Variants in VAV3 observed in about 807,000 individuals in gnomAD.
VAV3 encodes vav guanine nucleotide exchange factor 3.
In VAV3, 94 loss-of-function variants were observed where a neutral mutation model predicts 131.2. The observed-to-expected ratio is 0.72, with a 90% CI of 0.61 to 0.85. The LOEUF is 0.85. Among genes scored for constraint, VAV3 ranks in the 40% least tolerant of loss-of-function variants. The probability of loss-of-function intolerance (pLI) is 0.00; values close to 1 mark genes in which losing one functional copy is unlikely to be tolerated. For synonymous variants in VAV3, 349 were observed against 342.0 expected (o/e 1.02, Z -0.22); for missense variants, 939 against 1,002.7 (o/e 0.94, Z 0.86).
intron 8 of VAV3, among the ~76,000 whole-genome samples, chr1:107,765,983 T>C (rs1407504258): frequency 6.6e-6 from 1 of 152,134 alleles, no homozygotes; most frequent in Non-Finnish European, 1.5e-5. Context: ...TTTTTTAACT[T>C]AGAAAGGGAA....
chr1:107,668,226 A>C (rs79907975), intron 19 of VAV3, among the ~76,000 whole-genome samples: 3,175 of 152,366 alleles, frequency 0.021, 59 homozygotes, highest in South Asian at 0.046. Context: ...CTAAAAAATA[A>C]ATCTTCTGAT....
intron 2 of VAV3, among the ~76,000 whole-genome samples, chr1:107,793,138 T>C (rs1666375720): frequency 6.6e-6 from 1 of 152,168 alleles, no homozygotes; most frequent in Non-Finnish European, 1.5e-5. Flanking sequence ...GACAACCTTA[T>C]GAACAGAATA....
intron 17 of VAV3, among the ~76,000 whole-genome samples, chr1:107,704,167 G>A (rs1202768887): frequency 2.0e-5 from 3 of 152,200 alleles, no homozygotes; most frequent in South Asian, 4.1e-4. Flanking sequence ...AGAATAAAAA[G>A]GAAATTTAAG....
chr1:107,949,238 GT>G (rs1037417414), intron 1 of VAV3, among the ~76,000 whole-genome samples: 1 of 151,868 alleles, frequency 6.6e-6, no homozygotes, highest in African/African-American at 2.4e-5. Flanking sequence ...TCACATTCTG[GT>G]TTTTTTTACA....
In VAV3 at chr1:107,874,919, A is replaced by G; in HGVS notation, c.303T>C (p.Asp101=). Residue 101 remains aspartate (D), a synonymous_variant, in exon 2 of 27, where the codon GAT becomes GAC. Coordinates refer to ENST00000370056, the MANE Select transcript of VAV3 (RefSeq NM_006113.5). ...TAATTACCTTTCCAAAGTCACGAAC[A>G]TCAAACAAGTCAAATGCCTCGAAAA... The part of the protein sequence containing the change: ...SELFEAFDLF[D]VRDFGKVIET... 1 of 1,613,288 alleles carries G rather than the reference A, an allele frequency of 6.2e-7. No homozygotes were observed. The highest frequency in any genetic ancestry group is 8.5e-7 in the Non-Finnish European group (1 of 1,179,498).
intron 2 of VAV3, among the ~76,000 whole-genome samples, chr1:107,832,356 G>A (rs889595484): frequency 3.9e-5 from 6 of 152,164 alleles, no homozygotes; most frequent in African/African-American, 1.4e-4. Context: ...GTCAGCAAAT[G>A]CATCGGCAGA....
chr1:107,623,460 T>G (rs567337853), intron 20 of VAV3, among the ~76,000 whole-genome samples: 1 of 152,342 alleles, frequency 6.6e-6, no homozygotes, highest in African/African-American at 2.4e-5. Context: ...ATCCTACCAC[T>G]CTTTATATTT....
Position 107,571,397 on chromosome 1 carries a change from C to T in VAV3, c.*1934G>A, listed in dbSNP as rs970717612. 1.3e-5 allele frequency: 2 copies of T among 152,592 alleles called. No homozygotes were observed. Among genetic ancestry groups the T allele is most frequent in the African/African-American group, 4.8e-5 (2 of 41,422 alleles). 9.5% of individuals were successfully genotyped at this position (152,592 alleles called of 1,614,324 possible). On this transcript the variant is annotated 3_prime_UTR_variant, in exon 27 of 27. Transcript: ENST00000370056. ...TTGGTAATGTCACAAAAAGGGGCTC[C>T]AATATCCTCTGCTAGGAAACCCCCA...
At chr1:107,799,166 GGA>G (rs1666709059) in intron 2 of VAV3, among the ~76,000 whole-genome samples, 1 of 152,066 alleles carries the variant, frequency 6.6e-6, no homozygotes, top group African/African-American at 2.4e-5. Flanking sequence ...TGTAAATTGT[GGA>G]TTTCACTTTT....
chr1:107,928,729 A>G (rs530977651), intron 1 of VAV3, among the ~76,000 whole-genome samples: 2 of 152,310 alleles, frequency 1.3e-5, no homozygotes, highest in South Asian at 4.1e-4. Flanking sequence ...AAAAAGAATA[A>G]ACAACAATGA....
intron 2 of VAV3, among the ~76,000 whole-genome samples, chr1:107,805,971 G>T (rs1432786804): frequency 3.3e-5 from 5 of 152,126 alleles, no homozygotes; most frequent in African/African-American, 1.2e-4. Flanking sequence ...TGGGGAGGCT[G>T]GCTCAGGGTT....
intron 2 of VAV3, among the ~76,000 whole-genome samples, chr1:107,793,749 G>T (rs989131106): frequency 6.6e-6 from 1 of 152,184 alleles, no homozygotes; most frequent in African/African-American, 2.4e-5. Context: ...GCTGGAGAAT[G>T]AACTGTCAAA....
intron 2 of VAV3, among the ~76,000 whole-genome samples, chr1:107,815,720 T>C (rs929248437): frequency 5.3e-5 from 8 of 152,324 alleles, no homozygotes; most frequent in Admixed American, 3.3e-4. Flanking sequence ...CGGCACTATT[T>C]GTTTAAAATA....
At chr1:107,674,779 T>C (rs1385440556) in intron 19 of VAV3, among the ~76,000 whole-genome samples, 2 of 152,174 alleles carry the variant, frequency 1.3e-5, no homozygotes, top group African/African-American at 4.8e-5. Flanking sequence ...GCCAAAAGAA[T>C]ATGGCAAAGG....
At chr1:107,581,778 A>G (rs1650072437) in intron 25 of VAV3, among the ~76,000 whole-genome samples, 1 of 152,214 alleles carries the variant, frequency 6.6e-6, no homozygotes, top group South Asian at 2.1e-4. Context: ...TGATCGTGCT[A>G]TTAATGTTCA....
intron 22 of VAV3, among the ~76,000 whole-genome samples, chr1:107,605,681 C>G (rs894996844): frequency 6.6e-6 from 1 of 151,974 alleles, no homozygotes; most frequent in Non-Finnish European, 1.5e-5. Context: ...AAAATGCAGT[C>G]GAAACTTTGC....
At chr1:107,812,443 T>G (rs1293278011) in intron 2 of VAV3, among the ~76,000 whole-genome samples, 1 of 152,162 alleles carries the variant, frequency 6.6e-6, no homozygotes, top group Non-Finnish European at 1.5e-5. Context: ...TTATCATTTT[T>G]TAAGCTGATT....
At chr1:107,812,861 C>G (rs746691024) in intron 2 of VAV3, among the ~76,000 whole-genome samples, 1 of 152,092 alleles carries the variant, frequency 6.6e-6, no homozygotes, top group Admixed American at 6.5e-5. Context: ...CGGTGGCTCA[C>G]GCCTGTAATC....
chr1:107,626,417 C>A (rs1654016669), intron 20 of VAV3, among the ~76,000 whole-genome samples: 1 of 152,174 alleles, frequency 6.6e-6, no homozygotes, highest in Non-Finnish European at 1.5e-5. Flanking sequence ...ATTAGGGACT[C>A]TGATTTAACT....
Sources: allele counts gnomAD v4.1 joint callset (sites outside exome capture counted in the v4.1 genomes callset), GRCh38; gene constraint gnomAD v4.1.1; transcripts MANE v1.5; gene names NCBI Gene and HGNC (gene_info 2026-07-23, HGNC 2026-07-21).